Variants in UGGT1 observed in about 807,000 individuals in gnomAD.
The protein encoded by UGGT1 is UDP-glucose:glycoprotein glucosyltransferase 1.
In UGGT1, 107 loss-of-function variants were observed where a neutral mutation model predicts 203.9. The ratio of observed to expected loss-of-function variants is 0.52; its 90% CI spans 0.45 to 0.62. The LOEUF is 0.62. Among genes scored for constraint, UGGT1 ranks in the 20% least tolerant of loss-of-function variants. The probability of loss-of-function intolerance (pLI) is 0.00; values close to 1 mark genes in which losing one functional copy is unlikely to be tolerated. For missense variants in UGGT1, 1,673 were observed against 1,867.2 expected (o/e 0.90, Z 1.92); for synonymous variants, 628 against 653.5 (o/e 0.96, Z 0.59).
intron 5 of UGGT1, among the ~76,000 whole-genome samples, chr2:128,110,776 G>A (rs1485371757): frequency 6.6e-6 from 1 of 152,078 alleles, no homozygotes. Context: ...TTTCAATTTA[G>A]TACAAGTGGG....
chr2:128,112,079 C>G (rs1346119068), intron 5 of UGGT1, among the ~76,000 whole-genome samples: 2 of 151,182 alleles, frequency 1.3e-5, no homozygotes, highest in Admixed American at 6.6e-5. Context: ...CGACTGTGCT[C>G]TAGCCTAAGT....
In UGGT1 at chr2:128,091,287, C is replaced by T. The variant is rs918634691; in HGVS notation, c.-71C>T. Reference sequence around the variant, plus strand: ...CCTCTCACTGGCGCAGCCTGCACTGCCGCTGCCGCCTCGCCCCGCCCTGCC... The same window carrying T: ...CCTCTCACTGGCGCAGCCTGCACTGTCGCTGCCGCCTCGCCCCGCCCTGCC... On this transcript the variant is annotated 5_prime_UTR_variant, in exon 1 of 41. Coordinates refer to ENST00000259253, the MANE Select transcript of UGGT1 (RefSeq NM_020120.4). 2.1e-5 allele frequency: 30 copies of T among 1,448,034 alleles called. No homozygotes were observed. The highest frequency in any genetic ancestry group is 2.8e-5 in the Non-Finnish European group (30 of 1,089,780). 89.7% of individuals were successfully genotyped at this position (1,448,034 alleles called of 1,614,324 possible). A position where few individuals can be genotyped will look rare whatever the true frequency, so the allele number is the denominator to read the frequency against.
intron 5 of UGGT1, among the ~76,000 whole-genome samples, chr2:128,110,066 G>T (rs777033575): frequency 2.6e-5 from 4 of 152,206 alleles, no homozygotes; most frequent in Non-Finnish European, 5.9e-5. Context: ...AAGGAATACT[G>T]TGTGTATTAA....
At chr2:128,114,588 G>A (rs537298266) in intron 6 of UGGT1, among the ~76,000 whole-genome samples, 2 of 152,230 alleles carry the variant, frequency 1.3e-5, no homozygotes, top group South Asian at 2.1e-4. Context: ...AGCTCCGCTC[G>A]AAGGCATTTA....
At chr2:128,119,871 C>CA (rs1279734995) in intron 8 of UGGT1, among the ~76,000 whole-genome samples, 1 of 150,552 alleles carries the variant, frequency 6.6e-6, no homozygotes, top group African/African-American at 2.4e-5. Flanking sequence ...GGAAAACAAA[C>CA]AAAAAATAAA....
intron 24 of UGGT1, 84 bp downstream of exon 24, chr2:128,160,675 G>A (rs560951049): frequency 1.3e-6 from 2 of 1,499,574 alleles, no homozygotes; most frequent in Middle Eastern, 1.7e-4. Flanking sequence ...AAACTCTTCA[G>A]ACAGAGCCAC....
intron 21 of UGGT1, among the ~76,000 whole-genome samples, chr2:128,156,988 A>G (rs1690268219): frequency 6.6e-6 from 1 of 152,250 alleles, no homozygotes; most frequent in South Asian, 2.1e-4. Context: ...TTCATTTTAC[A>G]TGCTAACAGA....
chr2:128,102,642 A>G (rs1468677059), intron 2 of UGGT1, among the ~76,000 whole-genome samples: 1 of 152,134 alleles, frequency 6.6e-6, no homozygotes, highest in Non-Finnish European at 1.5e-5. Context: ...GTAAGACCTT[A>G]TGTATGCAGT....
chr2:128,103,141 G>A (rs1480987224), intron 2 of UGGT1: 1 of 470,498 alleles, frequency 2.1e-6, no homozygotes, highest in Non-Finnish European at 4.4e-6. Flanking sequence ...TCTTCCTTTG[G>A]CTAGGTAAGC....
intron 1 of UGGT1, among the ~76,000 whole-genome samples, chr2:128,094,914 A>G (rs182907711): frequency 6.8e-4 from 103 of 151,760 alleles, no homozygotes; most frequent in African/African-American, 2.5e-3. Context: ...ATGCCTGGCT[A>G]ATTTTTGTAT....
intron 39 of UGGT1, chr2:128,187,146 G>A (rs960503824): frequency 3.4e-6 from 1 of 297,336 alleles, no homozygotes; most frequent in African/African-American, 2.2e-5. Flanking sequence ...AGCACTTAAT[G>A]GGACTGTTTT....
At chr2:128,140,214 CT>C in intron 16 of UGGT1, 1 of 166,790 alleles carries the variant, frequency 6.0e-6, no homozygotes, top group Admixed American at 6.1e-5. Context: ...TCTTAGAGAC[CT>C]GAGTGCCATC....
Position 128,160,509 on chromosome 2 carries a change from A to G in UGGT1, c.2612A>G (p.Asp871Gly). 6.2e-7 allele frequency: 1 copy of G among 1,612,726 alleles called. No homozygotes were observed. Among genetic ancestry groups the G allele is most frequent in the Non-Finnish European group, 8.5e-7 (1 of 1,179,646 alleles). The change falls in exon 24 of 41, where the codon GAT (aspartate) becomes GGT (glycine). Residue 871 changes from aspartate to glycine, a missense_variant. By Grantham distance (94) the Asp-to-Gly change is moderately conservative. This residue lies in a region of UGGT1 where 1,073 missense variants were observed against 1,078.7 expected (regional missense o/e 0.99). Transcript: ENST00000259253. ...FKEVFESSKM[D>G]FILSHAVYCR... ...GAGGTCTTTGAGTCTTCCAAAATGGATTTCATTTTGTCTCATGCCGTGTAC... is the reference window on the plus strand; with the variant it reads ...GAGGTCTTTGAGTCTTCCAAAATGGGTTTCATTTTGTCTCATGCCGTGTAC...
intron 34 of UGGT1, 57 bp from the exon 35 acceptor site, chr2:128,179,729 T>C (rs1184627479): frequency 6.9e-7 from 1 of 1,441,106 alleles, no homozygotes; most frequent in African/African-American, 1.4e-5. Flanking sequence ...CTCTACATAA[T>C]GTTGAGGTTA....
At position 128,176,827 on chromosome 2, in the gene UGGT1, G is replaced by A. The variant is rs994857168; in HGVS notation, c.3553G>A (p.Asp1185Asn). The change falls in exon 32 of 41, where the codon GAT becomes AAT. Residue 1185 changes from aspartate to asparagine, a missense_variant. Asp to Asn is a conservative substitution (Grantham distance 23). Transcript: ENST00000259253. ...TTTCTCGCAAAGCCACGATGGCACT[G>A]ATTCTCCCCCTGATGCTGATGAGGT... ...IYRIYSHDGT[D>N]SPPDADEVVI... 2.5e-6 allele frequency: 4 copies of A among 1,613,914 alleles called. No homozygotes were observed. The highest frequency in any genetic ancestry group is 2.5e-6 in the Non-Finnish European group (3 of 1,179,960).
At chr2:128,161,092 C>T (rs532294356) in intron 24 of UGGT1, 46 bp from the exon 25 acceptor site, 9 of 1,606,026 alleles carry the variant, frequency 5.6e-6, no homozygotes, top group South Asian at 4.5e-5. Flanking sequence ...TTGCTGAGTG[C>T]AGGCAGCCTT....
intron 2 of UGGT1, among the ~76,000 whole-genome samples, chr2:128,099,736 T>TA (rs1687279783): frequency 6.6e-6 from 1 of 152,194 alleles, no homozygotes. Context: ...TTCATGGTGA[T>TA]AACTAACTTG....
intron 26 of UGGT1, among the ~76,000 whole-genome samples, 164 bp from the exon 27 acceptor site, chr2:128,170,124 A>G (rs771951862): frequency 6.6e-6 from 1 of 152,134 alleles, no homozygotes; most frequent in Admixed American, 6.5e-5. Context: ...AGGTTTTGCA[A>G]TCTTTGGGAT....
At chr2:128,107,541 T>C (rs567207116) in intron 3 of UGGT1, among the ~76,000 whole-genome samples, 22 of 152,278 alleles carry the variant, frequency 1.4e-4, no homozygotes, top group Admixed American at 3.3e-4. Context: ...GTAAATGATA[T>C]GATAAGTGAA....
Sources: gnomAD v4.1 joint callset for allele counts (sites outside exome capture counted in the v4.1 genomes callset) on GRCh38, gnomAD v4.1.1 for gene constraint, gnomAD v4.1.1 regional missense constraint, MANE v1.5 for transcripts, NCBI Gene and HGNC (gene_info 2026-07-23, HGNC 2026-07-21) for gene names.